The following KIT variants were observed in gnomAD, a reference collection of about 807,000 sequenced individuals.
KIT encodes the protein KIT proto-oncogene, receptor tyrosine kinase.
KIT carries 16 observed loss-of-function variants against 105.7 expected under a neutral mutation model. That is an observed-to-expected ratio of 0.15 (90% CI 0.10 to 0.23). The LOEUF is 0.23. Among genes scored for constraint, KIT ranks in the 10% least tolerant of loss-of-function variants. KIT has a pLI of 1.00. For synonymous variants in KIT, 438 were observed against 441.1 expected (o/e 0.99, Z 0.09); for missense variants, 858 against 1,213.8 (o/e 0.71, Z 4.36).
chr4:54,683,364 C>T (rs772482824), intron 1 of KIT, among the ~76,000 whole-genome samples: 3 of 152,056 alleles, frequency 2.0e-5, no homozygotes, highest in African/African-American at 7.2e-5. Flanking sequence ...TGGCCGGGCG[C>T]GGTGGCTCAC....
rs1722186242 is a variant in KIT at position 54,725,894 on chromosome 4, C to G, written c.1384C>G (p.Leu462Val). ...TGTACTGCCAGTGGATGTGCAGACA[C>G]TAAACTCATCTGGGCCACCGTTTGG... ...ASVLPVDVQT[L>V]NSSGPPFGKL... Residue 462 changes from leucine (L) to valine (V), a missense_variant, in exon 9 of 21, where the codon CTA becomes GTA. By Grantham distance (32) the Leu-to-Val change is conservative. Transcript: ENST00000288135. 1 of 1,614,124 alleles carries G rather than the reference C, an allele frequency of 6.2e-7. No homozygotes were observed. The highest frequency in any genetic ancestry group is 2.2e-5 in the East Asian group (1 of 44,876).
rs953268043 is a variant in KIT at position 54,657,969 on chromosome 4, G to T, written c.-46G>T. ...TGCCGCGCTCGCTGCACTTGGGCGA[G>T]AGCTGGAACGTGGACCAGAGCTCGG... On this transcript the variant is annotated 5_prime_UTR_variant, in exon 1 of 21. Coordinates refer to ENST00000288135, the MANE Select transcript of KIT (RefSeq NM_000222.3). 1 of 1,598,738 alleles carries T rather than the reference G, an allele frequency of 6.3e-7. No homozygotes were observed. Among genetic ancestry groups the T allele is most frequent in the Non-Finnish European group, 8.6e-7 (1 of 1,167,862 alleles).
intron 7 of KIT, among the ~76,000 whole-genome samples, chr4:54,714,230 C>CT (rs560905806): frequency 5.2e-4 from 79 of 152,196 alleles, no homozygotes; most frequent in Non-Finnish European, 9.6e-4. Context: ...AAAGTGCTTT[C>CT]TTAATAGACA....
rs1560414379 is a variant in KIT, at chr4:54,723,613, C to A, written c.1261C>A (p.Leu421Ile). 2 of 1,614,024 alleles carry A rather than the reference C, an allele frequency of 1.2e-6. No individual in the cohort carries two copies. The highest frequency in any genetic ancestry group is 1.7e-6 in the Non-Finnish European group (2 of 1,179,912). ...ACCAGAAATCCTGACTTACGACAGG[C>A]TCGTGAATGGCATGCTCCAATGTGT... is the stretch of plus-strand genomic sequence containing the variant. The part of the protein sequence containing the change: ...TKPEILTYDR[L>I]VNGMLQCVAA... The change falls in exon 8 of 21, where the codon CTC becomes ATC. Residue 421 changes from leucine (L) to isoleucine (I), a missense_variant. Around this residue, in one of 7 missense-constraint regions of KIT, gnomAD observed 401 missense variants for 601.0 expected, o/e 0.67. Transcript: ENST00000288135.
chr4:54,723,552 T>A (rs1206905302), intron 7 of KIT, 32 bp from the exon 8 acceptor site: 6 of 1,433,376 alleles, frequency 4.2e-6, no homozygotes, highest in Non-Finnish European at 5.9e-6. Context: ...TTTCCAGCAC[T>A]CTGACATATG....
chr4:54,677,575 A>ACTGCCT (rs1270880267), intron 1 of KIT, among the ~76,000 whole-genome samples: 1 of 152,164 alleles, frequency 6.6e-6, no homozygotes, highest in Non-Finnish European at 1.5e-5. Flanking sequence ...TCCAAGAAAC[A>ACTGCCT]CTGCCTCCTT....
At chr4:54,719,096 C>T (rs559340395) in intron 7 of KIT, among the ~76,000 whole-genome samples, 1 of 152,232 alleles carries the variant, frequency 6.6e-6, no homozygotes, top group Non-Finnish European at 1.5e-5. Flanking sequence ...TCTTATGATC[C>T]CTCTTCATTT....
At chr4:54,694,349 C>T (rs1049062908) in intron 1 of KIT, among the ~76,000 whole-genome samples, 4 of 152,050 alleles carry the variant, frequency 2.6e-5, no homozygotes, top group Non-Finnish European at 5.9e-5. Context: ...TACTTCAGTA[C>T]TTTGTTCTAT....
intron 2 of KIT, among the ~76,000 whole-genome samples, chr4:54,697,283 A>G (rs571406023): frequency 6.6e-6 from 1 of 152,162 alleles, no homozygotes; most frequent in Non-Finnish European, 1.5e-5. Flanking sequence ...TTTTTTTTCA[A>G]AATTGATCAA....
rs554267001 is a variant in KIT, at chr4:54,721,110, C to T, written c.1232-2474C>T. On this transcript the variant is annotated intron_variant, in intron 7 of 20. Transcript: ENST00000288135. Reference sequence around the variant, plus strand: ...GTGGGTCTCACTGAGCTAGGAGTCACAAGTATACTCAATCAGTAAGATGTC... The same window carrying T: ...GTGGGTCTCACTGAGCTAGGAGTCATAAGTATACTCAATCAGTAAGATGTC... Among the ~76,000 whole-genome samples, 5 of 152,252 alleles carry T rather than the reference C, an allele frequency of 3.3e-5. No homozygotes were observed. The South Asian group carries it at 1.0e-3, about 32-fold the overall frequency.
chr4:54,675,524 T>C (rs1718405999), intron 1 of KIT, among the ~76,000 whole-genome samples: 1 of 152,222 alleles, frequency 6.6e-6, no homozygotes. Context: ...TGAAACAAAT[T>C]TGAATAAACC....
chr4:54,725,429 T>G (rs1379008825), intron 8 of KIT, among the ~76,000 whole-genome samples: 1 of 152,106 alleles, frequency 6.6e-6, no homozygotes, highest in African/African-American at 2.4e-5. Context: ...TATGCTTTCC[T>G]CCTCTATGCT....
intron 2 of KIT, 112 bp from the exon 3 acceptor site, chr4:54,698,172 G>A: frequency 2.7e-6 from 3 of 1,097,408 alleles, no homozygotes; most frequent in Non-Finnish European, 4.1e-6. Context: ...ACAGAAAAAA[G>A]CAGCCATTTG....
intron 7 of KIT, among the ~76,000 whole-genome samples, chr4:54,719,685 T>C (rs1721738017): frequency 6.6e-6 from 1 of 152,230 alleles, no homozygotes; most frequent in Admixed American, 6.5e-5. Context: ...TATTGCAGAA[T>C]ATCTAAGAAG....
At chr4:54,695,205 G>C (rs1414767727) in intron 1 of KIT, among the ~76,000 whole-genome samples, 2 of 152,104 alleles carry the variant, frequency 1.3e-5, no homozygotes, top group Non-Finnish European at 2.9e-5. Flanking sequence ...CTGCGAAGAT[G>C]GCCCATATTC....
intron 1 of KIT, among the ~76,000 whole-genome samples, chr4:54,661,681 C>T (rs1317656269): frequency 6.6e-6 from 1 of 152,206 alleles, no homozygotes; most frequent in South Asian, 2.1e-4. Context: ...TCCAAATATG[C>T]AAATTTCATG....
At chr4:54,662,471 G>T (rs1004602066) in intron 1 of KIT, among the ~76,000 whole-genome samples, 2 of 152,156 alleles carry the variant, frequency 1.3e-5, no homozygotes, top group Non-Finnish European at 2.9e-5. Context: ...CTCAATATGT[G>T]TTAGCCATAA....
At chr4:54,705,881 CAAACA>C (rs1011832917) in intron 5 of KIT, among the ~76,000 whole-genome samples, 3 of 152,022 alleles carry the variant, frequency 2.0e-5, no homozygotes, top group Admixed American at 6.5e-5. Context: ...TACCCTGTTT[CAAACA>C]AAACAAAACA....
At chr4:54,676,306 C>G (rs1199968259) in intron 1 of KIT, among the ~76,000 whole-genome samples, 1 of 152,160 alleles carries the variant, frequency 6.6e-6, no homozygotes, top group Non-Finnish European at 1.5e-5. Flanking sequence ...AACAAGCTCT[C>G]CAGGTGATTC....
Sources: allele counts gnomAD v4.1 joint callset (sites outside exome capture counted in the v4.1 genomes callset), GRCh38; gene constraint gnomAD v4.1.1; regional missense constraint gnomAD v4.1.1; transcripts MANE v1.5; gene names NCBI Gene and HGNC (gene_info 2026-07-23, HGNC 2026-07-21).